Variants in CELSR3 observed in about 807,000 individuals in gnomAD.
CELSR3 encodes the protein EGF-like protein 1.
A neutral mutation model predicts 270.0 loss-of-function variants in CELSR3; 73 were observed. The observed-to-expected ratio is 0.27, with a 90% confidence interval of 0.22 to 0.33. The LOEUF is 0.33. CELSR3 is among the 10% of genes least tolerant of loss of function. CELSR3 has a pLI of 1.00. For synonymous variants in CELSR3, 1,780 were observed against 1,905.4 expected (o/e 0.93, Z 1.71); for missense variants, 3,614 against 4,533.8 (o/e 0.80, Z 5.83).
intron 20 of CELSR3, among the ~76,000 whole-genome samples, 158 bp from the exon 21 acceptor site, chr3:48,647,086 G>A (rs1276852830): frequency 2.1e-5 from 3 of 144,504 alleles, no homozygotes; most frequent in Non-Finnish European, 3.0e-5. Context: ...GTCAAGGCCT[G>A]GGAGGGGTCA....
rs117627987 is a variant in CELSR3 at position 48,652,709 on chromosome 3, G to A, written c.5635-156C>T. Among the ~76,000 whole-genome samples the A allele has an allele frequency of 6.7e-3, 1,017 of 152,296 alleles. 18 individuals are homozygous for A. Among genetic ancestry groups the A allele is most frequent in the East Asian group, 0.05 (258 of 5,184 alleles). On this transcript the variant is annotated intron_variant, in intron 10 of 34. Coordinates refer to ENST00000164024, the MANE Select transcript of CELSR3 (RefSeq NM_001407.3). This position sits in a 1 kb window ranked among gnomAD's most constrained non-coding sequence, Gnocchi z 4.3. ...TAATATTGCTTGATTTTGACCGGGG[G>A]TGGGTAGAGACTGGGGCAGAGACTA...
Position 48,645,478 on chromosome 3 carries a change from G to A in CELSR3, c.7762C>T (p.Leu2588Phe). Residue 2588 changes from leucine (L) to phenylalanine (F), a missense_variant, in exon 24 of 35, where the codon CTC becomes TTC. By Grantham distance (22) the Leu-to-Phe change is conservative. Transcript: ENST00000164024. The surrounding 1 kb of genome is among the most constrained non-coding windows in gnomAD (Gnocchi z 5.4). ...GTCCTGTGAATCCCCAGCAGGAAGA[G>A]GAGCTCTGCCACCCCCAGGGCGGCT... The part of the protein sequence containing the change: ...VAAALGVAEL[L>F]FLLGIHRTHN... 2.5e-6 allele frequency: 4 copies of A among 1,612,848 alleles called. No homozygotes were observed. Among genetic ancestry groups the A allele is most frequent in the Non-Finnish European group, 3.4e-6 (4 of 1,180,026 alleles).
chr3:48,660,252 C>A lies in CELSR3; in HGVS notation c.2383G>T (p.Gly795Cys). 1 of 1,614,190 alleles carries A rather than the reference C, an allele frequency of 6.2e-7. No homozygotes were observed. Among genetic ancestry groups the A allele is most frequent in the Non-Finnish European group, 8.5e-7 (1 of 1,180,046 alleles). The change falls in exon 1 of 35, where the codon GGC (glycine) becomes TGC (cysteine). Residue 795 changes from glycine (G) to cysteine (C), a missense_variant. Coordinates refer to ENST00000164024, the MANE Select transcript of CELSR3 (RefSeq NM_001407.3). The surrounding 1 kb of genome is among the most constrained non-coding windows in gnomAD (Gnocchi z 5.5). The stretch of plus-strand genomic sequence containing the variant: ...GCAAAGCGATTCCGGGTGTTGCCGC[C>A]TGTGATCTGGTAGCTGATGGCACTG... ...ANSAISYQITGGNTRNRFAIS... is the reference protein window; with the variant it reads ...ANSAISYQITCGNTRNRFAIS...
rs144222226 is a variant in CELSR3, at chr3:48,648,360, T to G, written c.6879A>C (p.Gly2293=). Residue 2293 remains glycine (G), a synonymous_variant, in exon 19 of 35, where the codon GGA becomes GGC. Transcript: ENST00000164024. The stretch of plus-strand genomic sequence containing the variant: ...CATACTCCTCCAGGTGCCTCACCAG[T>G]CCCGCGCTGCCTGGGGAGCCCCCAG... ...RAPGGSPGSA[G]LVRHLEEYAA... is the part of the protein sequence containing the mutation. 134 of 1,612,252 alleles carry G rather than the reference T, an allele frequency of 8.3e-5. No individual in the cohort carries two copies. In the African/African-American group the frequency reaches 1.6e-3, roughly 20 times the overall value.
At position 48,641,220 on chromosome 3, in the gene CELSR3, A is replaced by G; in HGVS notation, c.9025+104T>C. 1.3e-6 allele frequency: 1 copy of G among 787,690 alleles called. No homozygotes were observed. Among genetic ancestry groups the G allele is most frequent in the East Asian group, 2.4e-5 (1 of 41,050 alleles). 48.8% of individuals were successfully genotyped at this position (787,690 alleles called of 1,614,324 possible). A position where few individuals can be genotyped will look rare whatever the true frequency, so the allele number is the denominator to read the frequency against. The stretch of plus-strand genomic sequence containing the variant: ...AAGCAGAAGCGCCCTAGGTCAGAGT[A>G]AGAAGAGCTCTCAGTTTGGGATGAG... On this transcript the variant is annotated intron_variant, in intron 33 of 34. Transcript: ENST00000164024. The surrounding 1 kb of genome is among the most constrained non-coding windows in gnomAD (Gnocchi z 4.8).
chr3:48,641,344 C>G lies in CELSR3; in HGVS notation c.9005G>C (p.Arg3002Pro), dbSNP rs774981798. The change falls in exon 33 of 35, where the codon CGG becomes CCG. Residue 3002 changes from arginine to proline, a missense_variant. Transcript: ENST00000164024. This position sits in a 1 kb window ranked among gnomAD's most constrained non-coding sequence, Gnocchi z 4.8. ...LTSGDETSLGRAQRQRKGILK... is the reference protein window; with the variant it reads ...LTSGDETSLGPAQRQRKGILK... ...TGTACCTTTCCTCTGGCGCTGGGCC[C>G]GGCCCAGAGAAGTCTCATCCCCACT... 2 of 1,608,674 alleles carry G rather than the reference C, an allele frequency of 1.2e-6. No homozygotes were observed. Among genetic ancestry groups the G allele is most frequent in the African/African-American group, 1.3e-5 (1 of 74,822 alleles).
rs1448630952 is a variant in CELSR3, at chr3:48,643,652, G to A, written c.8191C>T (p.Leu2731Phe). 1.3e-6 allele frequency: 2 copies of A among 1,552,234 alleles called. No individual in the cohort carries two copies. Among genetic ancestry groups the A allele is most frequent in the Non-Finnish European group, 1.7e-6 (2 of 1,147,504 alleles). ...AGCCAGGAGGCACTGACCAGCAGAA[G>A]CAGCAGGAAGGAGCTGCGAAGGGTC... ...ALTLRSSFLL[L>F]LLVSASWLFG... The change falls in exon 28 of 35, where the codon CTT becomes TTT. Residue 2731 changes from leucine (L) to phenylalanine (F), a missense_variant. Coordinates refer to ENST00000164024, the MANE Select transcript of CELSR3 (RefSeq NM_001407.3).
Position 48,654,215 on chromosome 3 carries a change from G to C in CELSR3, c.5152+74C>G. The C allele has an allele frequency of 1.9e-6, 3 of 1,590,384 alleles. No homozygotes were observed. Among genetic ancestry groups the C allele is most frequent in the South Asian group, 1.1e-5 (1 of 89,012 alleles). ...CCAAAGGAGACTGGCTTGAAGTCAG[G>C]TATGGAGTCCTCCACTTCCTCCCTA... On this transcript the variant is annotated intron_variant, in intron 7 of 34. Coordinates refer to ENST00000164024, the MANE Select transcript of CELSR3 (RefSeq NM_001407.3). This position sits in a 1 kb window ranked among gnomAD's most constrained non-coding sequence, Gnocchi z 5.4.
Position 48,653,287 on chromosome 3 carries a change from G to C in CELSR3, c.5449-100C>G. The C allele has an allele frequency of 1.8e-6, 2 of 1,090,168 alleles. No homozygotes were observed. Among genetic ancestry groups the C allele is most frequent in the Non-Finnish European group, 1.3e-6 (1 of 747,080 alleles). The allele number at this position is 1,090,168 out of a possible 1,614,324, so 67.5% of individuals were successfully genotyped here. On this transcript the variant is annotated intron_variant, in intron 9 of 34. Coordinates refer to ENST00000164024, the MANE Select transcript of CELSR3 (RefSeq NM_001407.3). The surrounding 1 kb of genome is among the most constrained non-coding windows in gnomAD (Gnocchi z 6.5). ...CAGAGGTCAGGAATATCAGAGGTCA[G>C]AACAGTGGGGTCAAGGTTATACCTG...
At chr3:48,643,135 A>G (rs551637089) in intron 28 of CELSR3, 52 bp from the exon 29 acceptor site, 53 of 1,223,378 alleles carry the variant, frequency 4.3e-5, no homozygotes, top group Non-Finnish European at 5.8e-5. Flanking sequence ...ATCAGGGACC[A>G]GTATAAGTCA....
In CELSR3 at chr3:48,648,238, G is replaced by T. The variant is rs376915758; in HGVS notation, c.6973+28C>A. On this transcript the variant is annotated intron_variant, in intron 19 of 34. Transcript: ENST00000164024. ...TGCCCTTTCATGGCCCCCCTGCTGT[G>T]CCCCGCCCTACCCCACCCACAACGC... 1.9e-5 allele frequency: 26 copies of T among 1,342,706 alleles called. No individual in the cohort carries two copies. The African/African-American group carries it at 2.7e-4, about 14-fold the overall frequency. 83.2% of individuals were successfully genotyped at this position (1,342,706 alleles called of 1,614,324 possible).
At position 48,644,353 on chromosome 3, in the gene CELSR3, A is replaced by G. The variant is rs1014722550; in HGVS notation, c.8086-58T>C. The stretch of plus-strand genomic sequence containing the variant: ...AGGGCAGAGAGAGAGAGAGAGAGAG[A>G]GGCAATGAGAGACAGAGAGAGACTA... On this transcript the variant is annotated intron_variant, in intron 26 of 34. Coordinates refer to ENST00000164024, the MANE Select transcript of CELSR3 (RefSeq NM_001407.3). The surrounding 1 kb of genome is among the most constrained non-coding windows in gnomAD (Gnocchi z 4.8). 2.0e-5 allele frequency: 28 copies of G among 1,386,356 alleles called. No homozygotes were observed. In the South Asian group the frequency reaches 3.0e-4, roughly 15 times the overall value. The allele number at this position is 1,386,356 out of a possible 1,614,324, so 85.9% of individuals were successfully genotyped here. A position where few individuals can be genotyped will look rare whatever the true frequency, so the allele number is the denominator to read the frequency against.
chr3:48,650,433 A>AGGGGCGG lies in CELSR3; in HGVS notation c.6472+46_6472+47insCCGCCCC. ...GACATGGCTCTAGCAGTCAGAGTAC[A>AGGGGCGG]GGCCCACCCCCACCCTCAGTGATGT... On this transcript the variant is annotated intron_variant, in intron 16 of 34. Transcript: ENST00000164024. The surrounding 1 kb of genome is among the most constrained non-coding windows in gnomAD (Gnocchi z 5.1). The AGGGGCGG allele has an allele frequency of 1.1e-6, 1 of 927,818 alleles. No individual in the cohort carries two copies. 57.5% of individuals were successfully genotyped at this position (927,818 alleles called of 1,614,324 possible). A position where few individuals can be genotyped will look rare whatever the true frequency, so the allele number is the denominator to read the frequency against.
Position 48,651,531 on chromosome 3 carries a change from C to T in CELSR3, c.6065+46G>A, listed in dbSNP as rs1241605210. The T allele has an allele frequency of 6.2e-7, 1 of 1,602,064 alleles. No homozygotes were observed. The highest frequency in any genetic ancestry group is 2.2e-5 in the East Asian group (1 of 44,650). ...CCTCCACGGTATCCCAGTGACCCTCCCTGTCCCTGCCAGGTCTCCCCATCG... is the reference window on the plus strand; with the variant it reads ...CCTCCACGGTATCCCAGTGACCCTCTCTGTCCCTGCCAGGTCTCCCCATCG... On this transcript the variant is annotated intron_variant, in intron 13 of 34. Transcript: ENST00000164024. The surrounding 1 kb of genome is among the most constrained non-coding windows in gnomAD (Gnocchi z 7.4).
chr3:48,640,274 C>T lies in CELSR3; in HGVS notation c.9311G>A (p.Cys3104Tyr). The T allele has an allele frequency of 6.2e-7, 1 of 1,612,852 alleles. No individual in the cohort carries two copies. Among genetic ancestry groups the T allele is most frequent in the Non-Finnish European group, 8.5e-7 (1 of 1,179,976 alleles). ...RPLSRPGSQECMDAAPGRLEP... is the reference protein window; with the variant it reads ...RPLSRPGSQEYMDAAPGRLEP... ...CAGTCGGCCTGGTGCAGCATCCATG[C>T]ATTCCTGGGACCCTGGCCGGCTCAG... Residue 3104 changes from cysteine to tyrosine, a missense_variant, in exon 34 of 35, where the codon TGC becomes TAC. By Grantham distance (194) the Cys-to-Tyr change is radical (BLOSUM62 -2). Transcript: ENST00000164024. The surrounding 1 kb of genome is among the most constrained non-coding windows in gnomAD (Gnocchi z 7.5).
rs758614445 is a variant in CELSR3, at chr3:48,656,987, G to A, written c.4110C>T (p.Asp1370=). ...ACACGTTGTCGTCGAAGGGCAGTAC[G>A]TCGAGCAGGGAGCGAGCCGCCAGCG... ...RAALAARSLL[D]VLPFDDNVCL... The change falls in exon 2 of 35, where the codon GAC becomes GAT. Residue 1370 remains aspartate, a synonymous_variant. Transcript: ENST00000164024. 2 of 1,612,964 alleles carry A rather than the reference G, an allele frequency of 1.2e-6. No individual in the cohort carries two copies. The highest frequency in any genetic ancestry group is 8.5e-7 in the Non-Finnish European group (1 of 1,179,600).
At position 48,653,517 on chromosome 3, in the gene CELSR3, G is replaced by C; in HGVS notation, c.5448+102C>G. On this transcript the variant is annotated intron_variant, in intron 9 of 34. Transcript: ENST00000164024. The surrounding 1 kb of genome is among the most constrained non-coding windows in gnomAD (Gnocchi z 6.5). ...GGGTCAAGTGTGGTTGGGACACCTGGCAGAAAAGTATGCTGTGTGACCAAC... is the reference window on the plus strand; with the variant it reads ...GGGTCAAGTGTGGTTGGGACACCTGCCAGAAAAGTATGCTGTGTGACCAAC... 1 of 1,393,556 alleles carries C rather than the reference G, an allele frequency of 7.2e-7. No individual in the cohort carries two copies. 86.3% of individuals were successfully genotyped at this position (1,393,556 alleles called of 1,614,324 possible).
chr3:48,651,776 C>A lies in CELSR3; in HGVS notation c.5924-58G>T. The A allele has an allele frequency of 6.5e-7, 1 of 1,535,284 alleles. No individual in the cohort carries two copies. The highest frequency in any genetic ancestry group is 8.7e-7 in the Non-Finnish European group (1 of 1,143,720). ...GTCGCAGAGCATGGAAGGAAGCAGG[C>A]ACCCGTCCCGAGTCCCTGCCTCCTT... On this transcript the variant is annotated intron_variant, in intron 12 of 34. Transcript: ENST00000164024. The surrounding 1 kb of genome is among the most constrained non-coding windows in gnomAD (Gnocchi z 7.4).
intron 27 of CELSR3, 152 bp from the exon 28 acceptor site, chr3:48,643,829 G>A (rs1179100535): frequency 2.0e-5 from 17 of 840,040 alleles, no homozygotes; most frequent in Non-Finnish European, 3.1e-5. Context: ...GACACTGGGG[G>A]AGATGGGAGG....
Sources: allele counts gnomAD v4.1 joint callset (sites outside exome capture counted in the v4.1 genomes callset), GRCh38; gene constraint gnomAD v4.1.1; non-coding constraint Gnocchi (gnomAD v3.1); transcripts MANE v1.5; gene names NCBI Gene and HGNC (gene_info 2026-07-23, HGNC 2026-07-21).